The following UGT1A6 variants were observed in gnomAD, a reference collection of about 807,000 sequenced individuals.
UGT1A6 encodes UDP glucuronosyltransferase family 1 member A6, also known as UDP-glucuronosyltransferase 1A6.
A neutral mutation model predicts 44.4 loss-of-function variants in UGT1A6; 32 were observed. The ratio of observed to expected loss-of-function variants is 0.72; its 90% CI spans 0.54 to 0.97. The LOEUF (loss-of-function observed/expected upper bound fraction) is 0.97. UGT1A6 is among the 50% of genes least tolerant of loss of function. The pLI is 0.00. For synonymous variants in UGT1A6, 238 were observed against 248.5 expected (o/e 0.96, Z 0.40); for missense variants, 685 against 661.9 (o/e 1.03, Z -0.38).
At chr2:233,768,612 A>C (rs1575836446) in intron 4 of UGT1A6, among the ~76,000 whole-genome samples, 173 bp downstream of exon 4, 1 of 107,010 alleles carries the variant, frequency 9.3e-6, no homozygotes, top group African/African-American at 3.6e-5. Context: ...TTTGAGATGG[A>C]GTCTTGCTCT....
intron 1 of UGT1A6, among the ~76,000 whole-genome samples, chr2:233,721,233 T>C (rs911538270): frequency 5.3e-5 from 8 of 152,262 alleles, no homozygotes; most frequent in African/African-American, 1.9e-4. Context: ...ATGTAGTTAC[T>C]GAATTGTAAA....
intron 1 of UGT1A6, chr2:233,760,559 C>A (rs776620061): frequency 1.2e-6 from 2 of 1,614,238 alleles, no homozygotes; most frequent in Admixed American, 3.3e-5. Flanking sequence ...GTGAAAGAGT[C>A]TTTTGTTAGT....
chr2:233,772,695 T>C lies in UGT1A6; in HGVS notation c.*136T>C. ...ATAAATTAATCAGCCCCAGAGTGCT[T>C]TAAAAAATTCTCTTAAATAAAAATA... is the stretch of plus-strand genomic sequence containing the variant. On this transcript the variant is annotated 3_prime_UTR_variant, in exon 5 of 5. Coordinates refer to ENST00000305139, the MANE Select transcript of UGT1A6 (RefSeq NM_001072.4). 2 of 1,484,740 alleles carry C rather than the reference T, an allele frequency of 1.3e-6. No individual in the cohort carries two copies. Among genetic ancestry groups the C allele is most frequent in the South Asian group, 2.7e-5 (2 of 74,364 alleles). The allele number at this position is 1,484,740 out of a possible 1,614,324, so 92.0% of individuals were successfully genotyped here. A position where few individuals can be genotyped will look rare whatever the true frequency, so the allele number is the denominator to read the frequency against.
intron 1 of UGT1A6, among the ~76,000 whole-genome samples, chr2:233,703,526 A>G (rs1380988248): frequency 1.3e-5 from 2 of 151,996 alleles, no homozygotes; most frequent in Non-Finnish European, 2.9e-5. Context: ...GACACTTATC[A>G]TTACACAATT....
chr2:233,742,761 T>C (rs978880235), intron 1 of UGT1A6: 1 of 153,020 alleles, frequency 6.5e-6, no homozygotes, highest in African/African-American at 2.4e-5. Flanking sequence ...ATTAAGATAA[T>C]AAATGCATGT....
chr2:233,769,821 C>T lies in UGT1A6; in HGVS notation c.1301+1382C>T, dbSNP rs1699946575. 1.3e-6 allele frequency: 1 copy of T among 784,900 alleles called. No homozygotes were observed. 48.6% of individuals were successfully genotyped at this position (784,900 alleles called of 1,614,324 possible). A position where few individuals can be genotyped will look rare whatever the true frequency, so the allele number is the denominator to read the frequency against. The stretch of plus-strand genomic sequence containing the variant: ...TATGAGCCGTGATCATGCCACTGCA[C>T]TCCAGCAACCTGGGCAACAGAGTGA... On this transcript the variant is annotated intron_variant, in intron 4 of 4. Transcript: ENST00000305139. The surrounding 1 kb of genome is among the most constrained non-coding windows in gnomAD (Gnocchi z 4.4).
rs1694565729 is a variant in UGT1A6, at chr2:233,750,814, C to T, written c.862-16220C>T. 2.0e-5 allele frequency: 3 copies of T among 151,858 alleles called. No individual in the cohort carries two copies. In the South Asian group the frequency reaches 6.2e-4, roughly 31 times the overall value. The allele number at this position is 151,858 out of a possible 1,614,324, so 9.4% of individuals were successfully genotyped here. A position where few individuals can be genotyped will look rare whatever the true frequency, so the allele number is the denominator to read the frequency against. On this transcript the variant is annotated intron_variant, in intron 1 of 4. Coordinates refer to ENST00000305139, the MANE Select transcript of UGT1A6 (RefSeq NM_001072.4). ...ATAAGAATTTAGGTTTGGGAACCTCCACATAAATTTGAGAGGATGTAAGGA... is the reference window on the plus strand; with the variant it reads ...ATAAGAATTTAGGTTTGGGAACCTCTACATAAATTTGAGAGGATGTAAGGA...
chr2:233,695,064 C>T (rs576556742), intron 1 of UGT1A6, among the ~76,000 whole-genome samples: 11 of 152,176 alleles, frequency 7.2e-5, no homozygotes, highest in South Asian at 2.1e-4. Context: ...ACTGTGCTAT[C>T]GCACTTTGGA....
At chr2:233,719,293 G>C (rs149433426) in intron 1 of UGT1A6, 125 of 1,613,828 alleles carry the variant, frequency 7.7e-5, no homozygotes, top group African/African-American at 2.0e-4. Context: ...AACCTCTGTG[G>C]GGCGGTGCTG....
chr2:233,745,232 C>G (rs1693047388), intron 1 of UGT1A6, among the ~76,000 whole-genome samples: 1 of 151,800 alleles, frequency 6.6e-6, no homozygotes, highest in East Asian at 1.9e-4. Flanking sequence ...AAATACAGCA[C>G]TATTTACTGT....
intron 1 of UGT1A6, among the ~76,000 whole-genome samples, chr2:233,698,666 C>G (rs112614617): frequency 3.3e-5 from 5 of 152,142 alleles, no homozygotes; most frequent in Admixed American, 3.3e-4. Context: ...TAACTATTGG[C>G]CCAACTATAA....
intron 1 of UGT1A6, chr2:233,729,128 T>C (rs765683446): frequency 2.4e-5 from 38 of 1,613,072 alleles, no homozygotes; most frequent in Non-Finnish European, 3.1e-5. Context: ...TCTGCTGAGA[T>C]GGCCACAGGA....
At chr2:233,767,620 G>T (rs555830057) in intron 2 of UGT1A6, among the ~76,000 whole-genome samples, 1 of 152,270 alleles carries the variant, frequency 6.6e-6, no homozygotes, top group South Asian at 2.1e-4. Flanking sequence ...TAAGTGCACA[G>T]CTTGATAAAT....
In UGT1A6 at chr2:233,693,569, G is replaced by C; in HGVS notation, c.565G>C (p.Val189Leu). The change falls in exon 1 of 5, where the codon GTG (valine) becomes CTG (leucine). Residue 189 changes from valine (V) to leucine (L), a missense_variant. Physicochemically the swap from Val to Leu is conservative, Grantham distance 32. Transcript: ENST00000305139. Reference sequence around the variant, plus strand: ...TACATTCAGCAGAAGCCCAGACCCTGTGTCCTACATTCCCAGGTGCTACAC... The same window carrying C: ...TACATTCAGCAGAAGCCCAGACCCTCTGTCCTACATTCCCAGGTGCTACAC... ...EHTFSRSPDP[V>L]SYIPRCYTKF... 6.2e-7 allele frequency: 1 copy of C among 1,614,200 alleles called. No individual in the cohort carries two copies. Among genetic ancestry groups the C allele is most frequent in the Non-Finnish European group, 8.5e-7 (1 of 1,180,038 alleles).
intron 1 of UGT1A6, among the ~76,000 whole-genome samples, chr2:233,735,640 G>A (rs879325223): frequency 3.9e-5 from 6 of 152,140 alleles, no homozygotes; most frequent in Admixed American, 3.9e-4. Flanking sequence ...TTTTTGCAGT[G>A]GCTGGTACTG....
At chr2:233,717,788 T>G (rs2076606522) in intron 1 of UGT1A6, 1 of 456,178 alleles carries the variant, frequency 2.2e-6, no homozygotes, top group African/African-American at 2.0e-5. Flanking sequence ...TTTTGAAATT[T>G]GAAGTAGTGC....
At chr2:233,726,786 A>G (rs1000818718) in intron 1 of UGT1A6, among the ~76,000 whole-genome samples, 1 of 152,242 alleles carries the variant, frequency 6.6e-6, no homozygotes, top group Non-Finnish European at 1.5e-5. Context: ...TGAAACCCAC[A>G]TCTTATTCAA....
chr2:233,749,548 G>A (rs1179692892), intron 1 of UGT1A6, among the ~76,000 whole-genome samples: 1 of 151,762 alleles, frequency 6.6e-6, no homozygotes, highest in Non-Finnish European at 1.5e-5. Flanking sequence ...TAAAGAACAG[G>A]CTAATGTATT....
chr2:233,756,811 T>C (rs1696332579), intron 1 of UGT1A6, among the ~76,000 whole-genome samples: 1 of 152,156 alleles, frequency 6.6e-6, no homozygotes. Context: ...TAAAGGTCAC[T>C]CAATTCCAAG....
Sources: allele counts gnomAD v4.1 joint callset (sites outside exome capture counted in the v4.1 genomes callset), GRCh38; gene constraint gnomAD v4.1.1; non-coding constraint Gnocchi (gnomAD v3.1); transcripts MANE v1.5; gene names NCBI Gene and HGNC (gene_info 2026-07-23, HGNC 2026-07-21).